PUS10: variants seen among roughly 807,000 people sequenced by gnomAD.
The protein encoded by PUS10 is pseudouridine synthase 10.
In PUS10, 59 loss-of-function variants were observed where a neutral mutation model predicts 75.0. The ratio of observed to expected loss-of-function variants is 0.79; its 90% CI spans 0.64 to 0.98. The LOEUF (loss-of-function observed/expected upper bound fraction) is 0.98, where lower values mean the gene tolerates loss of function less well. PUS10 is among the 50% of genes least tolerant of loss of function. The pLI is 0.00. For synonymous variants in PUS10, 219 were observed against 211.6 expected (o/e 1.03, Z -0.30); for missense variants, 650 against 614.4 (o/e 1.06, Z -0.61).
At chr2:61,011,015 C>T (rs1157686141) in intron 2 of PUS10, 1 of 1,263,678 alleles carries the variant, frequency 7.9e-7, no homozygotes, top group African/African-American at 1.5e-5. Context: ...ATAGAAACAA[C>T]TAATAACATT....
At chr2:60,960,298 C>G in intron 11 of PUS10, 94 bp downstream of exon 11, 1 of 940,228 alleles carries the variant, frequency 1.1e-6, no homozygotes, top group Non-Finnish European at 1.5e-6. Flanking sequence ...AAGCTGTGAT[C>G]GTGCTACTGC....
At chr2:60,961,442 A>G (rs767952391) in intron 10 of PUS10, 21 bp downstream of exon 10, 3 of 1,582,172 alleles carry the variant, frequency 1.9e-6, no homozygotes, top group Non-Finnish European at 2.6e-6. Flanking sequence ...GTGTATGTAT[A>G]TTCTAGACTA....
chr2:60,955,825 C>T (rs1675612809), intron 11 of PUS10, among the ~76,000 whole-genome samples: 1 of 152,130 alleles, frequency 6.6e-6, no homozygotes, highest in Non-Finnish European at 1.5e-5. Context: ...AAGAAGAGCC[C>T]ACCACCCCTC....
chr2:60,946,053 C>T (rs1467254100), intron 16 of PUS10, among the ~76,000 whole-genome samples: 1 of 152,134 alleles, frequency 6.6e-6, no homozygotes, highest in Admixed American at 6.5e-5. Flanking sequence ...TTGACTAAAG[C>T]ATAAGACATA....
At chr2:61,004,610 C>G (rs1679079421) in intron 4 of PUS10, among the ~76,000 whole-genome samples, 1 of 110,682 alleles carries the variant, frequency 9.0e-6, no homozygotes, top group Non-Finnish European at 1.6e-5. Flanking sequence ...GCCTGCGTGA[C>G]AGAGACAGAC....
intron 4 of PUS10, among the ~76,000 whole-genome samples, chr2:60,981,455 G>A (rs1036405733): frequency 6.7e-6 from 1 of 148,948 alleles, no homozygotes; most frequent in Non-Finnish European, 1.5e-5. Context: ...GCTAATTTTT[G>A]TATTTTAGTG....
intron 4 of PUS10, 110 bp downstream of exon 4, chr2:61,006,447 G>C: frequency 1.3e-6 from 1 of 798,734 alleles, no homozygotes; most frequent in Non-Finnish European, 2.0e-6. Context: ...TCAATAAGTA[G>C]ACAAAATGTA....
chr2:60,967,341 T>C (rs139297953), intron 6 of PUS10, 161 bp downstream of exon 6: 59 of 521,386 alleles, frequency 1.1e-4, no homozygotes, highest in African/African-American at 1.0e-3. Flanking sequence ...ATGCTTTGAC[T>C]TCAATTTAAG....
At chr2:61,017,619 A>G in intron 1 of PUS10, 1 of 616,190 alleles carries the variant, frequency 1.6e-6, no homozygotes, top group South Asian at 2.1e-5. Context: ...TGGCAAAGTA[A>G]CTCAAGCCTT....
In PUS10 at chr2:60,989,876, C is replaced by T. The variant is rs957924137; in HGVS notation, c.468+16681G>A. 2.6e-5 allele frequency among the ~76,000 whole-genome samples: 4 copies of T among 152,202 alleles called. No individual in the cohort carries two copies. In the East Asian group the frequency reaches 7.7e-4, roughly 29 times the overall value. ...CTGACTTAAAGTGATCCATCCGCCTCGGCCTCCCAAAGTGCTAAGATTACA... is the reference window on the plus strand; with the variant it reads ...CTGACTTAAAGTGATCCATCCGCCTTGGCCTCCCAAAGTGCTAAGATTACA... On this transcript the variant is annotated intron_variant, in intron 4 of 17. Coordinates refer to ENST00000316752, the MANE Select transcript of PUS10 (RefSeq NM_144709.4).
At chr2:60,980,532 GCC>G (rs1344998133) in intron 4 of PUS10, among the ~76,000 whole-genome samples, 2 of 152,152 alleles carry the variant, frequency 1.3e-5, no homozygotes, top group Non-Finnish European at 2.9e-5. Flanking sequence ...GGAACTCTGT[GCC>G]TTTCATCCAA....
At chr2:60,986,260 G>A (rs1677719413) in intron 4 of PUS10, among the ~76,000 whole-genome samples, 1 of 152,158 alleles carries the variant, frequency 6.6e-6, no homozygotes. Flanking sequence ...ATTCTTTCAA[G>A]CTGAAATTTA....
intron 4 of PUS10, among the ~76,000 whole-genome samples, chr2:60,982,710 G>A (rs925198585): frequency 6.6e-6 from 1 of 152,080 alleles, no homozygotes; most frequent in Non-Finnish European, 1.5e-5. Context: ...TTTTCAAAGC[G>A]TAAGAAAACC....
intron 9 of PUS10, among the ~76,000 whole-genome samples, chr2:60,962,524 A>G (rs1041910034): frequency 1.3e-5 from 2 of 152,188 alleles, no homozygotes; most frequent in Admixed American, 6.5e-5. Context: ...CAGTGAGCCG[A>G]GACTGCTCCA....
intron 4 of PUS10, among the ~76,000 whole-genome samples, chr2:60,988,851 A>G (rs1039232638): frequency 1.3e-5 from 2 of 148,984 alleles, no homozygotes; most frequent in Non-Finnish European, 3.0e-5. Flanking sequence ...CAGGTTGGCC[A>G]GGCTGGTCTC....
At chr2:60,959,548 C>G (rs1675888240) in intron 11 of PUS10, among the ~76,000 whole-genome samples, 1 of 151,994 alleles carries the variant, frequency 6.6e-6, no homozygotes, top group African/African-American at 2.4e-5. Flanking sequence ...ACCACCATGC[C>G]CAGCTGATTT....
intron 4 of PUS10, among the ~76,000 whole-genome samples, chr2:60,989,987 T>C (rs1027481234): frequency 2.0e-5 from 3 of 151,914 alleles, no homozygotes; most frequent in Non-Finnish European, 2.9e-5. Context: ...GCAGGCAACT[T>C]GACATAGAAG....
intron 4 of PUS10, among the ~76,000 whole-genome samples, chr2:61,003,800 C>T (rs1030877575): frequency 1.4e-4 from 22 of 152,062 alleles, no homozygotes; most frequent in African/African-American, 5.1e-4. Context: ...CCTCAGCCTC[C>T]CAAAGTGCTG....
intron 3 of PUS10, among the ~76,000 whole-genome samples, chr2:61,007,899 G>A (rs190696137): frequency 0.01 from 1,582 of 151,106 alleles, 7 homozygotes; most frequent in Non-Finnish European, 0.016. Context: ...TGGCTAACAC[G>A]GTGAAACCCC....
Sources: gnomAD v4.1 joint callset for allele counts (sites outside exome capture counted in the v4.1 genomes callset) on GRCh38, gnomAD v4.1.1 for gene constraint, MANE v1.5 for transcripts, NCBI Gene and HGNC (gene_info 2026-07-23, HGNC 2026-07-21) for gene names.